Variants in CLDN10 observed in about 807,000 individuals in gnomAD.
The protein encoded by CLDN10 is claudin-10.
A neutral mutation model predicts 22.9 loss-of-function variants in CLDN10; 15 were observed. The ratio of observed to expected loss-of-function variants is 0.65; its 90% CI spans 0.44 to 1.01. The LOEUF is 1.01. CLDN10 is among the 50% of genes least tolerant of loss of function. The pLI, the probability that CLDN10 is intolerant of heterozygous loss-of-function variation, is 0.00. For missense variants in CLDN10, 247 were observed against 287.8 expected (o/e 0.86, Z 1.03); for synonymous variants, 114 against 111.4 (o/e 1.02, Z -0.15).
rs2043967759 is a variant in CLDN10, at chr13:95,578,369, T to C, written c.*355T>C. The stretch of plus-strand genomic sequence containing the variant: ...TCTTTGTACCCACTCCTTATGTTTC[T>C]TTTCATTCATAAACAGGTGTATAAG... On this transcript the variant is annotated 3_prime_UTR_variant, in exon 5 of 5. Coordinates refer to ENST00000299339, the MANE Select transcript of CLDN10 (RefSeq NM_006984.5). The C allele has an allele frequency of 6.3e-6, 1 of 159,486 alleles. No homozygotes were observed. 9.9% of individuals were successfully genotyped at this position (159,486 alleles called of 1,614,324 possible).
intron 1 of CLDN10, among the ~76,000 whole-genome samples, chr13:95,438,155 G>A (rs897975867): frequency 6.6e-6 from 1 of 152,236 alleles, no homozygotes; most frequent in Non-Finnish European, 1.5e-5. Flanking sequence ...CTGGGCCCAA[G>A]TGATCCTCCC....
upstream of CLDN10, among the ~76,000 whole-genome samples, chr13:95,550,475 T>G (rs530903688): frequency 6.6e-6 from 1 of 152,290 alleles, no homozygotes; most frequent in East Asian, 1.9e-4. Context: ...TTAGTGAGTA[T>G]CTACCATAGG....
intron 3 of CLDN10, among the ~76,000 whole-genome samples, chr13:95,569,779 T>G (rs2043831647): frequency 6.6e-6 from 1 of 151,488 alleles, no homozygotes; most frequent in Non-Finnish European, 1.5e-5. Context: ...CAGATACGCC[T>G]TTTTTTTGAG....
intron 3 of CLDN10, among the ~76,000 whole-genome samples, chr13:95,569,778 CT>C (rs759748280): frequency 2.0e-5 from 3 of 151,178 alleles, no homozygotes; most frequent in East Asian, 2.0e-4. Context: ...TCAGATACGC[CT>C]TTTTTTTGAG....
chr13:95,544,303 T>C (rs1431981766), intron 1 of CLDN10, among the ~76,000 whole-genome samples: 1 of 152,242 alleles, frequency 6.6e-6, no homozygotes, highest in African/African-American at 2.4e-5. Context: ...GTCAAAAAAT[T>C]ACAATATAAT....
At chr13:95,478,228 A>G (rs563625302) in intron 1 of CLDN10, among the ~76,000 whole-genome samples, 1 of 152,334 alleles carries the variant, frequency 6.6e-6, no homozygotes, top group African/African-American at 2.4e-5. Context: ...GAATCGCTTG[A>G]GCCCAGGGAG....
intron 4 of CLDN10, 84 bp downstream of exon 4, chr13:95,577,422 C>T (rs949038787): frequency 3.3e-6 from 3 of 898,926 alleles, no homozygotes; most frequent in African/African-American, 3.3e-5. Context: ...ACAGATAGTT[C>T]ATATGATTCT....
intron 1 of CLDN10, among the ~76,000 whole-genome samples, chr13:95,519,570 A>C (rs35750325): frequency 0.099 from 15,004 of 152,292 alleles, 921 homozygotes; most frequent in Middle Eastern, 0.12. Context: ...ATGTAGAAAC[A>C]TTGGCCAGAG....
At chr13:95,496,397 T>C (rs1293412676) in intron 1 of CLDN10, among the ~76,000 whole-genome samples, 2 of 152,226 alleles carry the variant, frequency 1.3e-5, no homozygotes, top group Non-Finnish European at 2.9e-5. Flanking sequence ...TCAATAGGCA[T>C]CATTGGTCCT....
intron 1 of CLDN10, among the ~76,000 whole-genome samples, chr13:95,528,763 C>T (rs2043311315): frequency 6.6e-6 from 1 of 152,122 alleles, no homozygotes; most frequent in Admixed American, 6.5e-5. Flanking sequence ...CACGGCAAAG[C>T]CACTGAAGGA....
At chr13:95,489,447 T>C (rs2042845589) in intron 1 of CLDN10, among the ~76,000 whole-genome samples, 2 of 152,172 alleles carry the variant, frequency 1.3e-5, no homozygotes, top group South Asian at 4.1e-4. Context: ...TATCGCATTG[T>C]GGTTTTGATT....
upstream of CLDN10, among the ~76,000 whole-genome samples, chr13:95,552,428 G>A (rs1346086859): frequency 6.6e-6 from 1 of 152,260 alleles, no homozygotes; most frequent in Non-Finnish European, 1.5e-5. Context: ...TTGCCAGTCT[G>A]AACCTGAGCC....
chr13:95,496,114 C>G (rs903102017), intron 1 of CLDN10, among the ~76,000 whole-genome samples: 2 of 152,198 alleles, frequency 1.3e-5, no homozygotes, highest in African/African-American at 4.8e-5. Context: ...TTTGCCCTTT[C>G]TCAGGCTGTG....
chr13:95,560,289 G>T lies in CLDN10; in HGVS notation c.378G>T (p.Leu126=). ...IACLAGIVFI[L]SGLCSMTGCS... ...GTTTGGCTGGGATTGTATTCATACT[G>T]TCAGGTAAATAGTAACTTTCTTCCA... The change falls in exon 2 of 5, where the codon CTG becomes CTT. Residue 126 remains leucine (L), a synonymous_variant. Coordinates refer to ENST00000299339, the MANE Select transcript of CLDN10 (RefSeq NM_006984.5). 1 of 1,614,136 alleles carries T rather than the reference G, an allele frequency of 6.2e-7. No individual in the cohort carries two copies. The highest frequency in any genetic ancestry group is 8.5e-7 in the Non-Finnish European group (1 of 1,179,958).
upstream of CLDN10, among the ~76,000 whole-genome samples, chr13:95,551,546 G>A (rs1161724459): frequency 6.6e-6 from 1 of 152,044 alleles, no homozygotes; most frequent in Non-Finnish European, 1.5e-5. Flanking sequence ...AGTGACAAAG[G>A]GAAATTAAGA....
At chr13:95,434,478 A>AACACACAC (rs55653913) in intron 1 of CLDN10, among the ~76,000 whole-genome samples, 1 of 145,654 alleles carries the variant, frequency 6.9e-6, no homozygotes, top group Non-Finnish European at 1.5e-5. Flanking sequence ...TACACCCACA[A>AACACACAC]ACACACACAC....
rs763024030 is a variant in CLDN10, at chr13:95,433,966, C to T, written c.133C>T (p.Gln45Ter). ...GGTGATAACAGCCACTTGGGTTTAC[C>T]AGGGTCTGTGGATGAACTGCGCAGG... The change falls in exon 1 of 5, where the codon CAG becomes TAG. Residue 45 changes from glutamine to a stop codon, truncating the protein, a stop_gained. Transcript: ENST00000376873. LOFTEE classifies it high-confidence loss of function. 3 of 1,614,230 alleles carry T rather than the reference C, an allele frequency of 1.9e-6. No homozygotes were observed. Among genetic ancestry groups the T allele is most frequent in the Non-Finnish European group, 2.5e-6 (3 of 1,180,044 alleles).
intron 1 of CLDN10, among the ~76,000 whole-genome samples, chr13:95,534,247 C>CT (rs1468059083): frequency 2.0e-5 from 3 of 151,812 alleles, no homozygotes; most frequent in Admixed American, 1.3e-4. Context: ...CATTGGGTGT[C>CT]TTTTTTTTCC....
chr13:95,441,378 G>A (rs977315345), intron 1 of CLDN10, among the ~76,000 whole-genome samples: 1 of 152,112 alleles, frequency 6.6e-6, no homozygotes, highest in African/African-American at 2.4e-5. Flanking sequence ...CTGAGTAGCT[G>A]GGACTACAGG....
Sources: allele counts gnomAD v4.1 joint callset (sites outside exome capture counted in the v4.1 genomes callset), GRCh38; gene constraint gnomAD v4.1.1; transcripts MANE v1.5; gene names NCBI Gene and HGNC (gene_info 2026-07-23, HGNC 2026-07-21).